Variants in MIGA1 observed in about 807,000 individuals in gnomAD.
MIGA1 encodes family with sequence similarity 73, member A.
A neutral mutation model predicts 82.0 loss-of-function variants in MIGA1; 58 were observed. The ratio of observed to expected loss-of-function variants is 0.71; its 90% confidence interval spans 0.57 to 0.88. MIGA1 has a LOEUF of 0.88. Ranked by LOEUF, MIGA1 falls within the 40% of genes least tolerant of loss-of-function variation. MIGA1 has a pLI of 0.00. For missense variants in MIGA1, 751 were observed against 749.1 expected, an observed-to-expected ratio of 1.00 and a Z score of -0.03; for synonymous variants, 249 against 253.6, an observed-to-expected ratio of 0.98 and a Z score of 0.17.
intron 2 of MIGA1, among the ~76,000 whole-genome samples, chr1:77,794,277 T>A (rs997787131): frequency 1.3e-5 from 2 of 152,132 alleles, no homozygotes; most frequent in Admixed American, 1.3e-4. Context: ...ACTATAGACT[T>A]TATTTAGGTT....
intron 7 of MIGA1, among the ~76,000 whole-genome samples, chr1:77,816,486 A>G (rs973482322): frequency 1.3e-5 from 2 of 152,190 alleles, no homozygotes; most frequent in African/African-American, 4.8e-5. Flanking sequence ...ATTTATATCT[A>G]TGCATTTTGA....
intron 5 of MIGA1, among the ~76,000 whole-genome samples, chr1:77,813,233 C>T (rs1324241566): frequency 1.3e-5 from 2 of 152,102 alleles, no homozygotes; most frequent in East Asian, 1.9e-4. Flanking sequence ...CCACCCACCT[C>T]GGGCTCCCAA....
At chr1:77,840,545 A>T (rs1250605772) in intron 7 of MIGA1, among the ~76,000 whole-genome samples, 1 of 152,114 alleles carries the variant, frequency 6.6e-6, no homozygotes, top group Non-Finnish European at 1.5e-5. Context: ...TGGCTCTCAC[A>T]CCTGTAATCC....
At chr1:77,871,933 G>T (rs1052391824) in intron 14 of MIGA1, among the ~76,000 whole-genome samples, 4 of 151,960 alleles carry the variant, frequency 2.6e-5, no homozygotes, top group African/African-American at 9.7e-5. Flanking sequence ...GAACACTGTA[G>T]CATTCTTGTT....
chr1:77,783,946 C>G (rs1682034086), intron 2 of MIGA1, among the ~76,000 whole-genome samples: 1 of 152,196 alleles, frequency 6.6e-6, no homozygotes. Flanking sequence ...CTTTACTTAG[C>G]ATAATGTCCT....
At chr1:77,790,078 C>T (rs560284074) in intron 2 of MIGA1, among the ~76,000 whole-genome samples, 8 of 152,304 alleles carry the variant, frequency 5.3e-5, no homozygotes, top group Admixed American at 1.3e-4. Flanking sequence ...CCTTTTATCC[C>T]ATTTCCCCCA....
intron 7 of MIGA1, among the ~76,000 whole-genome samples, chr1:77,820,337 C>G (rs964311148): frequency 6.6e-6 from 1 of 152,110 alleles, no homozygotes; most frequent in African/African-American, 2.4e-5. Flanking sequence ...GACGGATTAT[C>G]CTACATCTGT....
At chr1:77,779,911 C>G in intron 1 of MIGA1, 175 bp downstream of exon 1, 1 of 1,395,480 alleles carries the variant, frequency 7.2e-7, no homozygotes, top group Non-Finnish European at 9.3e-7. Flanking sequence ...TACGGCCGTG[C>G]CACCCTGAAC....
At chr1:77,816,910 A>T (rs1172790569) in intron 7 of MIGA1, among the ~76,000 whole-genome samples, 2 of 152,218 alleles carry the variant, frequency 1.3e-5, no homozygotes, top group Non-Finnish European at 2.9e-5. Flanking sequence ...GTGGCACGGA[A>T]TGCCACAGAG....
chr1:77,801,483 C>T lies in MIGA1; in HGVS notation c.348C>T (p.Tyr116=), dbSNP rs1682881734. The change falls in exon 3 of 16, where the codon TAC becomes TAT. Residue 116 remains tyrosine (Y), a synonymous_variant. Coordinates refer to ENST00000370791, the MANE Select transcript of MIGA1 (RefSeq NM_198549.4). ...AACCAGAGCACCTCATACTTGAATA[C>T]ACTAAAAGAGCAGCATCAGACAAAG... is the stretch of plus-strand genomic sequence containing the variant. 6.3e-7 allele frequency: 1 copy of T among 1,599,918 alleles called. No individual in the cohort carries two copies. The highest frequency in any genetic ancestry group is 1.3e-5 in the African/African-American group (1 of 74,098).
intron 7 of MIGA1, among the ~76,000 whole-genome samples, chr1:77,824,186 AT>A (rs1683943894): frequency 6.6e-6 from 1 of 152,220 alleles, no homozygotes; most frequent in Admixed American, 6.5e-5. Flanking sequence ...TATTTTTAAA[AT>A]GAAAAACTTC....
chr1:77,848,439 A>C, intron 8 of MIGA1: 5 of 930,152 alleles, frequency 5.4e-6, no homozygotes, highest in Non-Finnish European at 1.7e-6. Context: ...ATACAGAGAT[A>C]GAGAAAAACA....
At chr1:77,870,780 C>A (rs1387808629) in intron 14 of MIGA1, among the ~76,000 whole-genome samples, 2 of 150,734 alleles carry the variant, frequency 1.3e-5, no homozygotes, top group Non-Finnish European at 3.0e-5. Flanking sequence ...CCACTGCACT[C>A]CAGCCTGGGC....
Position 77,811,787 on chromosome 1 carries a change from G to A in MIGA1, c.638-1947G>A. ...CTCCGGGTCACCTCCGACATGGCCG[G>A]TCCCCACCCCGTCCCCTCCCGCCCC... On this transcript the variant is annotated intron_variant, in intron 5 of 15. Coordinates refer to ENST00000370791, the MANE Select transcript of MIGA1 (RefSeq NM_198549.4). 5.1e-6 allele frequency: 8 copies of A among 1,563,500 alleles called. No individual in the cohort carries two copies. In the South Asian group the frequency reaches 8.1e-5, roughly 16 times the overall value.
At chr1:77,842,635 C>T (rs924230915) in intron 7 of MIGA1, among the ~76,000 whole-genome samples, 5 of 152,216 alleles carry the variant, frequency 3.3e-5, no homozygotes, top group African/African-American at 9.7e-5. Context: ...GCAACCTCCA[C>T]CTCCCGGGTT....
intron 2 of MIGA1, among the ~76,000 whole-genome samples, chr1:77,797,687 G>T (rs1006924869): frequency 6.6e-6 from 1 of 151,934 alleles, no homozygotes; most frequent in Admixed American, 6.6e-5. Flanking sequence ...TTTAGCTCTA[G>T]TATTTTCCTT....
At chr1:77,782,893 T>C (rs887145149) in intron 1 of MIGA1, 1 of 979,504 alleles carries the variant, frequency 1.0e-6, no homozygotes, top group African/African-American at 1.8e-5. Flanking sequence ...AAGTAAATTT[T>C]AAATTACTCC....
intron 5 of MIGA1, among the ~76,000 whole-genome samples, chr1:77,809,363 G>A (rs1193778000): frequency 6.6e-6 from 1 of 152,074 alleles, no homozygotes; most frequent in Non-Finnish European, 1.5e-5. Flanking sequence ...TGGTAGTCTG[G>A]ACTATATAGT....
intron 5 of MIGA1, chr1:77,811,063 A>T (rs1683308390): frequency 6.2e-7 from 1 of 1,613,372 alleles, no homozygotes; most frequent in African/African-American, 1.3e-5. Context: ...GAATTCAAAG[A>T]AGATAGCTGC....
Sources: allele counts gnomAD v4.1 joint callset (sites outside exome capture counted in the v4.1 genomes callset), GRCh38; gene constraint gnomAD v4.1.1; transcripts MANE v1.5; gene names NCBI Gene and HGNC (gene_info 2026-07-23, HGNC 2026-07-21).